Variants in GARRE1 observed in about 807,000 individuals in gnomAD.
The protein encoded by GARRE1 is granule associated Rac and RHOG effector protein 1.
Under a neutral mutation model 103.2 loss-of-function variants are expected in GARRE1, and 49 were observed. That is an observed-to-expected ratio of 0.47 (90% CI 0.38 to 0.60). The LOEUF (loss-of-function observed/expected upper bound fraction) is 0.60, where lower values mean the gene tolerates loss of function less well. Among genes scored for constraint, GARRE1 ranks in the 20% least tolerant of loss-of-function variants. The pLI is 0.00. For synonymous variants in GARRE1, 505 were observed against 532.8 expected, an observed-to-expected ratio of 0.95 and a Z score of 0.72; for missense variants, 1,199 against 1,370.5, an observed-to-expected ratio of 0.87 and a Z score of 1.98.
intron 12 of GARRE1, among the ~76,000 whole-genome samples, chr19:34,350,556 C>T (rs927997170): frequency 6.6e-6 from 1 of 152,144 alleles, no homozygotes; most frequent in Non-Finnish European, 1.5e-5. Context: ...AGTCACATAT[C>T]CTTAGTGCTT....
intron 1 of GARRE1, among the ~76,000 whole-genome samples, chr19:34,280,623 T>G (rs957747200): frequency 6.6e-6 from 1 of 152,212 alleles, no homozygotes; most frequent in Non-Finnish European, 1.5e-5. Context: ...TATTGCTAAG[T>G]CTGAACTCAG....
chr19:34,341,385 G>C, intron 9 of GARRE1, 37 bp from the exon 10 acceptor site: 1 of 1,396,932 alleles, frequency 7.2e-7, no homozygotes, highest in Non-Finnish European at 1.0e-6. Flanking sequence ...TTATATATTT[G>C]TCTTTTTTTT....
chr19:34,310,864 C>T (rs757799736), intron 2 of GARRE1, among the ~76,000 whole-genome samples: 5 of 152,170 alleles, frequency 3.3e-5, no homozygotes, highest in Non-Finnish European at 5.9e-5. Context: ...TAACTGAGAG[C>T]GCATCTGAGC....
intron 7 of GARRE1, among the ~76,000 whole-genome samples, chr19:34,330,857 C>G (rs1467487793): frequency 6.6e-6 from 1 of 151,340 alleles, no homozygotes; most frequent in East Asian, 1.9e-4. Context: ...GCCTCAGCCT[C>G]CCAAGTAGCT....
At chr19:34,264,737 T>A in intron 1 of GARRE1, among the ~76,000 whole-genome samples, 1 of 152,186 alleles carries the variant, frequency 6.6e-6, no homozygotes, top group Non-Finnish European at 1.5e-5. Flanking sequence ...TCTTGGCATA[T>A]ATGAGACAAT....
intron 2 of GARRE1, among the ~76,000 whole-genome samples, chr19:34,312,107 T>C (rs933309623): frequency 1.1e-4 from 17 of 152,236 alleles, no homozygotes; most frequent in Non-Finnish European, 2.2e-4. Flanking sequence ...TGAGCCACCA[T>C]GCCTGGCCTG....
At chr19:34,332,590 G>A (rs1354349150) in intron 7 of GARRE1, among the ~76,000 whole-genome samples, 2 of 152,176 alleles carry the variant, frequency 1.3e-5, no homozygotes, top group Non-Finnish European at 2.9e-5. Context: ...CACCTGTGTG[G>A]TCCAACAATG....
At chr19:34,279,846 G>A (rs1279942381) in intron 1 of GARRE1, among the ~76,000 whole-genome samples, 6 of 151,020 alleles carry the variant, frequency 4.0e-5, no homozygotes, top group African/African-American at 1.5e-4. Flanking sequence ...TTAGCCGGGC[G>A]TAGTGGCGGG....
At chr19:34,330,161 T>C (rs1341604651) in intron 6 of GARRE1, 28 bp from the exon 7 acceptor site, 2 of 1,603,354 alleles carry the variant, frequency 1.2e-6, no homozygotes, top group South Asian at 1.1e-5. Flanking sequence ...TGTCTTGAGG[T>C]GTGAACTCTC....
intron 1 of GARRE1, among the ~76,000 whole-genome samples, chr19:34,286,124 C>CA (rs2073884649): frequency 6.6e-6 from 1 of 152,190 alleles, no homozygotes; most frequent in South Asian, 2.1e-4. Context: ...TTGAGCTTAA[C>CA]AGCCAGAGAC....
intron 1 of GARRE1, among the ~76,000 whole-genome samples, chr19:34,259,766 CTTGAA>C (rs550873662): frequency 1.3e-5 from 2 of 152,106 alleles, no homozygotes; most frequent in Non-Finnish European, 2.9e-5. Context: ...CAAATCTCAT[CTTGAA>C]TTGTAGTTCC....
At position 34,278,215 on chromosome 19, in the gene GARRE1, G is replaced by A. The variant is rs1278614657; in HGVS notation, c.-795-21464G>A. Among the ~76,000 whole-genome samples the A allele has an allele frequency of 4.6e-5, 7 of 151,912 alleles. No homozygotes were observed. In the East Asian group the frequency reaches 1.4e-3, roughly 29 times the overall value. ...ACCCAGCACTTTGGGAGGCTGAAGC[G>A]GGTGGATCACCTGAGGTCAGAAGTT... On this transcript the variant is annotated intron_variant, in intron 1 of 13. Transcript: ENST00000299505.
At chr19:34,322,627 G>T (rs189658434) in intron 3 of GARRE1, among the ~76,000 whole-genome samples, 1 of 151,822 alleles carries the variant, frequency 6.6e-6, no homozygotes, top group Non-Finnish European at 1.5e-5. Flanking sequence ...TTGCTCCTTC[G>T]CCCAGGCTGG....
Position 34,333,815 on chromosome 19 carries a change from T to C in GARRE1, c.1361+14T>C. ...CCCATCCACATGGTAACGTGCCTCT[T>C]ACTTTCACCGGAGCCTAAGCTCTGA... On this transcript the variant is annotated intron_variant, in intron 8 of 13. Transcript: ENST00000299505. 2 of 1,465,662 alleles carry C rather than the reference T, an allele frequency of 1.4e-6. No homozygotes were observed. Among genetic ancestry groups the C allele is most frequent in the Non-Finnish European group, 1.9e-6 (2 of 1,045,502 alleles). 90.8% of individuals were successfully genotyped at this position (1,465,662 alleles called of 1,614,324 possible). A position where few individuals can be genotyped will look rare whatever the true frequency, so the allele number is the denominator to read the frequency against.
At chr19:34,297,835 T>C (rs1195020752) in intron 1 of GARRE1, among the ~76,000 whole-genome samples, 1 of 152,162 alleles carries the variant, frequency 6.6e-6, no homozygotes, top group African/African-American at 2.4e-5. Flanking sequence ...GTTTATGAGA[T>C]TTTTTTTAAA....
chr19:34,277,881 C>G (rs539612629), intron 1 of GARRE1, among the ~76,000 whole-genome samples: 1 of 146,522 alleles, frequency 6.8e-6, no homozygotes, highest in South Asian at 2.3e-4. Context: ...ACAGGAAAAG[C>G]AGGATAAATG....
chr19:34,267,297 G>A (rs2145955123), intron 1 of GARRE1, among the ~76,000 whole-genome samples: 1 of 152,240 alleles, frequency 6.6e-6, no homozygotes, highest in South Asian at 2.1e-4. Context: ...CTCCCTGGCT[G>A]AAACCATCCT....
intron 1 of GARRE1, among the ~76,000 whole-genome samples, chr19:34,279,375 G>C (rs968324492): frequency 1.3e-5 from 2 of 151,750 alleles, no homozygotes; most frequent in Non-Finnish European, 2.9e-5. Context: ...TTGCGATCTC[G>C]GCTCACTGCA....
rs940827189 is a variant in GARRE1, at chr19:34,300,281, GA to G, written c.-189del. On this transcript the variant is annotated 5_prime_UTR_variant, in exon 2 of 14. Transcript: ENST00000299505. The stretch of plus-strand genomic sequence containing the variant: ...TTTTGTCAGAGATCCTGTCTACACT[GA>G]AAATATTAATTATATAAACCTGTTG... 1.1e-4 allele frequency: 57 copies of G among 509,534 alleles called. No homozygotes were observed. Among genetic ancestry groups the G allele is most frequent in the African/African-American group, 9.9e-4 (52 of 52,614 alleles). The allele number at this position is 509,534 out of a possible 1,614,324, so 31.6% of individuals were successfully genotyped here.
Sources: allele counts gnomAD v4.1 joint callset (sites outside exome capture counted in the v4.1 genomes callset), GRCh38; gene constraint gnomAD v4.1.1; transcripts MANE v1.5; gene names NCBI Gene and HGNC (gene_info 2026-07-23, HGNC 2026-07-21).